Variants in PCDHA1 observed in about 807,000 individuals in gnomAD.
PCDHA1 encodes the protein protocadherin alpha-1.
PCDHA1 carries 42 observed loss-of-function variants against 61.3 expected under a neutral mutation model. The observed-to-expected ratio is 0.69, with a 90% CI of 0.54 to 0.89. The LOEUF (loss-of-function observed/expected upper bound fraction) is 0.89, where lower values mean the gene tolerates loss of function less well. PCDHA1 is among the 40% of genes least tolerant of loss of function. The pLI, the probability that PCDHA1 is intolerant of heterozygous loss-of-function variation, is 0.00. For missense variants in PCDHA1, 1,256 were observed against 1,235.3 expected, an observed-to-expected ratio of 1.02 and a Z score of -0.25; for synonymous variants, 610 against 553.8, an observed-to-expected ratio of 1.10 and a Z score of -1.43.
intron 1 of PCDHA1, among the ~76,000 whole-genome samples, chr5:140,838,434 A>G (rs1554137076): frequency 1.3e-5 from 2 of 151,392 alleles, no homozygotes; most frequent in Non-Finnish European, 2.9e-5. Context: ...TAAATTATAT[A>G]TTGGGTTTTG....
At chr5:140,851,162 G>C in intron 1 of PCDHA1, 1 of 1,294,640 alleles carries the variant, frequency 7.7e-7, no homozygotes, top group African/African-American at 1.5e-5. Context: ...CTGATGCTAT[G>C]CTGCCATAAC....
At chr5:140,870,796 C>T in intron 1 of PCDHA1, 1 of 1,613,694 alleles carries the variant, frequency 6.2e-7, no homozygotes, top group Non-Finnish European at 8.5e-7. Flanking sequence ...GCCGGCACTG[C>T]TGGCGACTCA....
At chr5:140,887,100 T>TC (rs1231390589) in intron 1 of PCDHA1, among the ~76,000 whole-genome samples, 2 of 151,232 alleles carry the variant, frequency 1.3e-5, no homozygotes, top group Non-Finnish European at 2.9e-5. Flanking sequence ...TATCTTTATC[T>TC]CTTTTTTTTT....
intron 1 of PCDHA1, among the ~76,000 whole-genome samples, chr5:140,799,336 T>C (rs781920187): frequency 6.6e-5 from 10 of 152,134 alleles, no homozygotes; most frequent in Non-Finnish European, 1.3e-4. Context: ...AAGTGCAGTA[T>C]TACAATAAGT....
intron 1 of PCDHA1, chr5:140,847,350 T>A (rs1554141746): frequency 6.7e-6 from 1 of 149,796 alleles, no homozygotes; most frequent in Non-Finnish European, 1.5e-5. Context: ...TAGGCTGTTA[T>A]CAGTAGAAAT....
At position 140,850,172 on chromosome 5, in the gene PCDHA1, C is replaced by G. The variant is rs756590916; in HGVS notation, c.2394+61488C>G. 10 of 1,594,266 alleles carry G rather than the reference C, an allele frequency of 6.3e-6. 1 individual carries two copies. The highest frequency in any genetic ancestry group is 1.3e-5 in the African/African-American group (1 of 74,338). On this transcript the variant is annotated intron_variant, in intron 1 of 3. Coordinates refer to ENST00000504120, the MANE Select transcript of PCDHA1 (RefSeq NM_018900.4). ...TGCAGGTGTTCGTGCTGGACGAGAA[C>G]GACAATGCGCCGGCGCTGCTGACAC... is the stretch of plus-strand genomic sequence containing the variant.
chr5:140,971,718 G>A (rs1554233569), intron 1 of PCDHA1, among the ~76,000 whole-genome samples: 3 of 151,796 alleles, frequency 2.0e-5, no homozygotes, highest in Non-Finnish European at 2.9e-5. Flanking sequence ...ATAGATATAT[G>A]TATATCATAC....
intron 1 of PCDHA1, among the ~76,000 whole-genome samples, chr5:140,974,081 C>T (rs1432185201): frequency 6.6e-6 from 1 of 152,196 alleles, no homozygotes; most frequent in African/African-American, 2.4e-5. Context: ...ATAACCATGA[C>T]TTCAAAAATC....
chr5:140,804,627 T>C (rs1420929191), intron 1 of PCDHA1: 1 of 153,368 alleles, frequency 6.5e-6, no homozygotes, highest in Non-Finnish European at 1.5e-5. Flanking sequence ...TTAACTTCTC[T>C]GAATAGCATC....
At chr5:140,850,791 A>C in intron 1 of PCDHA1, 1 of 1,598,378 alleles carries the variant, frequency 6.3e-7, no homozygotes, top group Non-Finnish European at 8.6e-7. Flanking sequence ...GGGTAAGCAG[A>C]AGACCGACCT....
chr5:140,982,420 G>A, intron 2 of PCDHA1, 55 bp from the exon 3 acceptor site: 1 of 1,611,062 alleles, frequency 6.2e-7, no homozygotes, highest in Non-Finnish European at 8.5e-7. Context: ...GGTGGAAGAA[G>A]AGATGGGAAA....
chr5:140,873,012 T>G (rs542650049), intron 1 of PCDHA1, among the ~76,000 whole-genome samples: 1 of 152,192 alleles, frequency 6.6e-6, no homozygotes. Context: ...TTCTTCATAT[T>G]TAGTTATTCT....
chr5:140,897,677 G>T (rs1390475923), intron 1 of PCDHA1, among the ~76,000 whole-genome samples: 1 of 152,168 alleles, frequency 6.6e-6, no homozygotes, highest in African/African-American at 2.4e-5. Flanking sequence ...ATAGCAGCAT[G>T]ATTTATAGTC....
chr5:140,861,023 C>T (rs1192782331), intron 1 of PCDHA1: 1 of 152,246 alleles, frequency 6.6e-6, no homozygotes, highest in Non-Finnish European at 1.5e-5. Context: ...GCCACCGCAC[C>T]CGGCCGAAAG....
intron 1 of PCDHA1, among the ~76,000 whole-genome samples, chr5:140,874,289 T>G (rs1234939624): frequency 1.3e-5 from 2 of 152,230 alleles, no homozygotes; most frequent in Non-Finnish European, 2.9e-5. Context: ...ACAAAATCTA[T>G]GTGTACTTGT....
intron 1 of PCDHA1, chr5:140,802,228 A>G: frequency 6.2e-7 from 1 of 1,614,240 alleles, no homozygotes. Context: ...GTGGACATCA[A>G]TGATAATGTA....
intron 1 of PCDHA1, chr5:140,858,026 G>A (rs2045118018): frequency 6.3e-7 from 1 of 1,597,020 alleles, no homozygotes; most frequent in Non-Finnish European, 8.6e-7. Context: ...GTCGCTGACG[G>A]CCACGGCCAC....
At chr5:140,854,785 T>G (rs998570267) in intron 1 of PCDHA1, 1 of 149,740 alleles carries the variant, frequency 6.7e-6, no homozygotes, top group South Asian at 2.1e-4. Flanking sequence ...TTTCAAGAAC[T>G]TTGAGAGAGA....
chr5:140,882,438 C>A lies in PCDHA1; in HGVS notation c.2394+93754C>A, dbSNP rs782795158. On this transcript the variant is annotated intron_variant, in intron 1 of 3. Coordinates refer to ENST00000504120, the MANE Select transcript of PCDHA1 (RefSeq NM_018900.4). ...GCTCAGGACCTGGGGCTGGAGCTGG[C>A]GGAGCTGGTGCCGCGCCTGTTCCGG... 3.1e-6 allele frequency: 5 copies of A among 1,613,902 alleles called. No individual in the cohort carries two copies. In the Admixed American group the frequency reaches 5.0e-5, roughly 16 times the overall value.
Sources: gnomAD v4.1 joint callset for allele counts (sites outside exome capture counted in the v4.1 genomes callset) on GRCh38, gnomAD v4.1.1 for gene constraint, MANE v1.5 for transcripts, NCBI Gene and HGNC (gene_info 2026-07-23, HGNC 2026-07-21) for gene names.